The following L3MBTL4 variants were observed in gnomAD, a reference collection of about 807,000 sequenced individuals.
L3MBTL4 encodes the protein lethal(3)malignant brain tumor-like protein 4.
Under a neutral mutation model 84.5 loss-of-function variants are expected in L3MBTL4, and 70 were observed. The ratio of observed to expected loss-of-function variants is 0.83; its 90% CI spans 0.68 to 1.01. The LOEUF (loss-of-function observed/expected upper bound fraction) is 1.01. Ranked by LOEUF, L3MBTL4 falls within the 50% of genes least tolerant of loss-of-function variation. L3MBTL4 has a pLI of 0.00. For missense variants in L3MBTL4, 715 were observed against 754.8 expected, an observed-to-expected ratio of 0.95 and a Z score of 0.62; for synonymous variants, 274 against 259.8, an observed-to-expected ratio of 1.05 and a Z score of -0.52.
intron 3 of L3MBTL4, among the ~76,000 whole-genome samples, chr18:6,308,290 A>T (rs568833263): frequency 6.6e-6 from 1 of 152,220 alleles, no homozygotes; most frequent in Non-Finnish European, 1.5e-5. Flanking sequence ...TGTAAAACAT[A>T]TAACAAATCC....
intron 12 of L3MBTL4, among the ~76,000 whole-genome samples, chr18:6,200,472 T>C (rs1004123427): frequency 2.6e-5 from 4 of 152,216 alleles, no homozygotes; most frequent in African/African-American, 7.2e-5. Context: ...GAATTACATT[T>C]ATTTTAAGAG....
chr18:6,035,061 T>C (rs560542665), intron 16 of L3MBTL4, among the ~76,000 whole-genome samples: 1 of 151,966 alleles, frequency 6.6e-6, no homozygotes, highest in Admixed American at 6.5e-5. Context: ...CTTTGTCAGA[T>C]GAGTAGGTTG....
intron 16 of L3MBTL4, among the ~76,000 whole-genome samples, chr18:6,048,298 G>T (rs1460403051): frequency 6.6e-6 from 1 of 152,058 alleles, no homozygotes; most frequent in Non-Finnish European, 1.5e-5. Context: ...CATTAAAATG[G>T]CCATACTGCC....
At chr18:6,264,123 C>T in intron 4 of L3MBTL4, 85 bp from the exon 5 acceptor site, 3 of 986,602 alleles carry the variant, frequency 3.0e-6, no homozygotes, top group South Asian at 2.7e-5. Flanking sequence ...ACTCAAGAAG[C>T]AGGCTAATTA....
At chr18:6,003,285 T>C (rs148039502) in intron 16 of L3MBTL4, among the ~76,000 whole-genome samples, 207 of 151,008 alleles carry the variant, frequency 1.4e-3, no homozygotes, top group African/African-American at 4.8e-3. Context: ...AAATAAGCTT[T>C]AAATAAAAAA....
chr18:6,119,865 A>G (rs190020477), intron 14 of L3MBTL4, among the ~76,000 whole-genome samples: 4 of 152,356 alleles, frequency 2.6e-5, no homozygotes, highest in Non-Finnish European at 4.4e-5. Flanking sequence ...TCAGATGAGT[A>G]GTTAGAAGAC....
chr18:6,309,184 A>G (rs558117846), intron 3 of L3MBTL4, among the ~76,000 whole-genome samples: 1 of 152,228 alleles, frequency 6.6e-6, no homozygotes, highest in Non-Finnish European at 1.5e-5. Flanking sequence ...CACAAAATAA[A>G]GGATGTTACC....
At chr18:5,982,786 T>C (rs542766) in intron 16 of L3MBTL4, among the ~76,000 whole-genome samples, 43,154 of 152,184 alleles carry the variant, frequency 0.28, 6,738 homozygotes, top group East Asian at 0.65. Context: ...AGAGATGATA[T>C]GATTTACCCT....
At chr18:6,398,484 C>A (rs1460832030) in intron 1 of L3MBTL4, among the ~76,000 whole-genome samples, 1 of 152,158 alleles carries the variant, frequency 6.6e-6, no homozygotes, top group Non-Finnish European at 1.5e-5. Context: ...TCACGTCAGG[C>A]ATAGGGCCTC....
intron 4 of L3MBTL4, among the ~76,000 whole-genome samples, chr18:6,274,421 C>A (rs2048997636): frequency 6.6e-6 from 1 of 152,200 alleles, no homozygotes; most frequent in Non-Finnish European, 1.5e-5. Context: ...ACTACAGTCC[C>A]TGTTCTTGAA....
At chr18:6,228,664 A>G (rs571261938) in intron 10 of L3MBTL4, among the ~76,000 whole-genome samples, 7 of 152,126 alleles carry the variant, frequency 4.6e-5, no homozygotes, top group Non-Finnish European at 1.0e-4. Context: ...AAATGGCAAA[A>G]CAAAACCACA....
chr18:6,282,569 C>T (rs954386276), intron 4 of L3MBTL4, among the ~76,000 whole-genome samples: 2 of 152,082 alleles, frequency 1.3e-5, no homozygotes, highest in Non-Finnish European at 2.9e-5. Flanking sequence ...TTGCAGGAGA[C>T]GAGGCTCGGG....
chr18:6,195,307 G>A (rs760385979), intron 12 of L3MBTL4, among the ~76,000 whole-genome samples: 5 of 152,114 alleles, frequency 3.3e-5, no homozygotes, highest in African/African-American at 7.2e-5. Context: ...ATTCAGCCAC[G>A]GAATTCCCCA....
At chr18:6,309,515 C>T (rs2050735260) in intron 3 of L3MBTL4, among the ~76,000 whole-genome samples, 1 of 152,164 alleles carries the variant, frequency 6.6e-6, no homozygotes. Context: ...TGTCATTAAG[C>T]ACCAGGAACA....
chr18:5,992,958 C>CATGA (rs1193671210), intron 16 of L3MBTL4, among the ~76,000 whole-genome samples: 1 of 152,172 alleles, frequency 6.6e-6, no homozygotes, highest in Non-Finnish European at 1.5e-5. Flanking sequence ...GGTAGAGTTT[C>CATGA]ATGAATGGAG....
intron 16 of L3MBTL4, among the ~76,000 whole-genome samples, chr18:6,043,316 C>T (rs1366106193): frequency 2.6e-5 from 4 of 152,098 alleles, no homozygotes; most frequent in Admixed American, 6.5e-5. Context: ...CTCCCTGTCT[C>T]GGTTCAATTT....
intron 16 of L3MBTL4, among the ~76,000 whole-genome samples, chr18:5,991,658 T>C (rs1003509683): frequency 5.9e-5 from 9 of 152,116 alleles, no homozygotes; most frequent in Non-Finnish European, 1.0e-4. Context: ...TTTTAAAAAA[T>C]TGAATTTAAA....
intron 5 of L3MBTL4, 96 bp from the exon 6 acceptor site, chr18:6,244,684 T>C (rs774826306): frequency 8.2e-5 from 68 of 824,770 alleles, no homozygotes; most frequent in Middle Eastern, 2.3e-4. Flanking sequence ...TCTAAAACAA[T>C]TGAACTCATA....
Position 6,160,422 on chromosome 18 carries a change from C to G in L3MBTL4, c.1096+11406G>C, listed in dbSNP as rs564754256. 2.0e-5 allele frequency among the ~76,000 whole-genome samples: 3 copies of G among 152,226 alleles called. No homozygotes were observed. The South Asian group carries it at 6.2e-4, about 32-fold the overall frequency. ...TCACAGGCCTGCAGATTCCAGAGGTCATGGAACTCATCCAAACGCACAGAG... is the reference window on the plus strand; with the variant it reads ...TCACAGGCCTGCAGATTCCAGAGGTGATGGAACTCATCCAAACGCACAGAG... On this transcript the variant is annotated intron_variant, in intron 13 of 18. Transcript: ENST00000317931.
Sources: allele counts gnomAD v4.1 joint callset (sites outside exome capture counted in the v4.1 genomes callset), GRCh38; gene constraint gnomAD v4.1.1; transcripts MANE v1.5; gene names NCBI Gene and HGNC (gene_info 2026-07-23, HGNC 2026-07-21).